VAV2: variants seen among roughly 807,000 people sequenced by gnomAD.
VAV2 encodes the protein vav guanine nucleotide exchange factor 2, also known as guanine nucleotide exchange factor VAV2.
A neutral mutation model predicts 132.5 loss-of-function variants in VAV2; 67 were observed. That is an observed-to-expected ratio of 0.51 (90% CI 0.42 to 0.62). The LOEUF (loss-of-function observed/expected upper bound fraction) is 0.62. VAV2 is among the 20% of genes least tolerant of loss of function. The pLI is 0.00. For missense variants in VAV2, 938 were observed against 1,153.6 expected (o/e 0.81, Z 2.71); for synonymous variants, 492 against 443.5 (o/e 1.11, Z -1.37).
chr9:133,839,842 G>A (rs569074251), intron 3 of VAV2, among the ~76,000 whole-genome samples: 78 of 152,308 alleles, frequency 5.1e-4, no homozygotes, highest in Non-Finnish European at 6.0e-4. Flanking sequence ...CACTGACCTC[G>A]ATTAAACAGT....
At chr9:133,962,810 A>T (rs1009445496) in intron 1 of VAV2, among the ~76,000 whole-genome samples, 2 of 152,140 alleles carry the variant, frequency 1.3e-5, no homozygotes, top group African/African-American at 4.8e-5. Flanking sequence ...TTTCCCTTTT[A>T]TGTTATTAAG....
At position 133,770,424 on chromosome 9, in the gene VAV2, G is replaced by A. The variant is rs1366276670; in HGVS notation, c.2301C>T (p.Tyr767=). Reference sequence around the variant, plus strand: ...TGGAGGCCGAACGTTCCCGGGACTTGTAGGGGTACTTGAGTGTGGTGTCCA... The same window carrying A: ...TGGAGGCCGAACGTTCCCGGGACTTATAGGGGTACTTGAGTGTGGTGTCCA... ...KQLDTTLKYP[Y]KSRERSASRA... is the part of the protein sequence containing the mutation. The change falls in exon 27 of 30, where the codon TAC becomes TAT. Residue 767 remains tyrosine (Y), a synonymous_variant. Transcript: ENST00000371850. The A allele has an allele frequency of 3.1e-6, 5 of 1,614,076 alleles. No individual in the cohort carries two copies. The highest frequency in any genetic ancestry group is 1.6e-4 in the Middle Eastern group (1 of 6,084).
At chr9:133,968,478 G>A (rs1842219140) in intron 1 of VAV2, among the ~76,000 whole-genome samples, 1 of 152,264 alleles carries the variant, frequency 6.6e-6, no homozygotes, top group African/African-American at 2.4e-5. Context: ...TCAAAGCTCT[G>A]GTACCACCCA....
intron 3 of VAV2, among the ~76,000 whole-genome samples, chr9:133,848,661 C>T (rs1023697283): frequency 6.6e-6 from 1 of 152,250 alleles, no homozygotes; most frequent in African/African-American, 2.4e-5. Flanking sequence ...CTGGCAGGCA[C>T]GGGCCCCTGG....
At chr9:133,874,276 CT>C (rs1222932087) in intron 2 of VAV2, among the ~76,000 whole-genome samples, 2 of 152,252 alleles carry the variant, frequency 1.3e-5, no homozygotes, top group Non-Finnish European at 2.9e-5. Flanking sequence ...CACTCACTGT[CT>C]GCGAATGCTG....
chr9:133,887,265 G>A (rs539549904), intron 2 of VAV2, among the ~76,000 whole-genome samples: 13 of 152,296 alleles, frequency 8.5e-5, no homozygotes, highest in Non-Finnish European at 1.3e-4. Flanking sequence ...GGATGGGGGT[G>A]GGGGAAGGGG....
chr9:133,950,261 A>G lies in VAV2; in HGVS notation c.205-11042T>C, dbSNP rs565956355. Among the ~76,000 whole-genome samples the G allele has an allele frequency of 2.6e-5, 4 of 152,320 alleles. No homozygotes were observed. The South Asian group carries it at 8.3e-4, about 32-fold the overall frequency. On this transcript the variant is annotated intron_variant, in intron 1 of 29. Transcript: ENST00000371850. ...AGAGGAAACCCAGCAAGAAAAATCA[A>G]TTCTGGAGAAGCCTCATTTGGAAGT...
rs1229603778 is a variant in VAV2, at chr9:133,824,800, G to A, written c.449+9472C>T. Among the ~76,000 whole-genome samples, 2 of 152,164 alleles carry A rather than the reference G, an allele frequency of 1.3e-5. No individual in the cohort carries two copies. The highest frequency in any genetic ancestry group is 4.8e-5 in the African/African-American group (2 of 41,438). On this transcript the variant is annotated intron_variant, in intron 4 of 29. Transcript: ENST00000371850. This position sits in a 1 kb window ranked among gnomAD's most constrained non-coding sequence, Gnocchi z 5.2. ...AGAGCTGGGCTCAAATTGCAGCTCT[G>A]CCCCCTAGTTCTGTACGACTCTGAC...
chr9:133,875,666 C>G (rs1314875617), intron 2 of VAV2, among the ~76,000 whole-genome samples: 1 of 152,256 alleles, frequency 6.6e-6, no homozygotes, highest in Non-Finnish European at 1.5e-5. Context: ...GCGCCAGGAC[C>G]TGCTGAGAAA....
chr9:133,888,439 C>G (rs1167459511), intron 2 of VAV2, among the ~76,000 whole-genome samples: 2 of 152,244 alleles, frequency 1.3e-5, no homozygotes, highest in Non-Finnish European at 2.9e-5. Flanking sequence ...CTGGATCTTC[C>G]AGGCCTCCAG....
rs931242787 is a variant in VAV2, at chr9:133,768,129, G to A, written c.2589+313C>T. ...CTTGGGGACTTGCAAGTAATTTGGC[G>A]AGTGCAGCTATGAGGGCAGCCCAGA... On this transcript the variant is annotated intron_variant, in intron 29 of 29. Transcript: ENST00000371850. This position sits in a 1 kb window ranked among gnomAD's most constrained non-coding sequence, Gnocchi z 5.3. 3.9e-5 allele frequency among the ~76,000 whole-genome samples: 6 copies of A among 152,132 alleles called. No individual in the cohort carries two copies. Among genetic ancestry groups the A allele is most frequent in the South Asian group, 4.1e-4 (2 of 4,828 alleles).
intron 12 of VAV2, among the ~76,000 whole-genome samples, 154 bp downstream of exon 12, chr9:133,795,514 C>T (rs1015582346): frequency 1.3e-5 from 2 of 152,190 alleles, no homozygotes; most frequent in Non-Finnish European, 2.9e-5. Context: ...CTGTGGGTCT[C>T]ACCCACTGCC....
intron 2 of VAV2, among the ~76,000 whole-genome samples, chr9:133,904,393 C>G (rs1293145319): frequency 6.6e-6 from 1 of 152,270 alleles, no homozygotes; most frequent in East Asian, 1.9e-4. Flanking sequence ...ATCAACGCCT[C>G]ACTTTCTGAG....
intron 1 of VAV2, among the ~76,000 whole-genome samples, chr9:133,990,073 G>A (rs1842968964): frequency 6.6e-6 from 1 of 152,206 alleles, no homozygotes; most frequent in South Asian, 2.1e-4. Context: ...CTGTTCTCAT[G>A]ACAGAGATGG....
In VAV2 at chr9:133,805,384, C is replaced by T. The variant is rs924967442; in HGVS notation, c.836+697G>A. Among the ~76,000 whole-genome samples, 9 of 152,290 alleles carry T rather than the reference C, an allele frequency of 5.9e-5. No individual in the cohort carries two copies. In the East Asian group the frequency reaches 1.2e-3, roughly 20 times the overall value. On this transcript the variant is annotated intron_variant, in intron 9 of 29. Coordinates refer to ENST00000371850, the MANE Select transcript of VAV2 (RefSeq NM_001134398.2). Reference sequence around the variant, plus strand: ...CCTTCGGGCTCCTCCAAAGGATCCCCGAGGGACAGAGAGCTTGGCACCGTC... The same window carrying T: ...CCTTCGGGCTCCTCCAAAGGATCCCTGAGGGACAGAGAGCTTGGCACCGTC...
At chr9:133,850,276 G>C (rs542601625) in intron 3 of VAV2, among the ~76,000 whole-genome samples, 21 of 152,254 alleles carry the variant, frequency 1.4e-4, no homozygotes, top group African/African-American at 5.1e-4. Context: ...CTGAGCCTCC[G>C]GGTCTGGGAC....
chr9:133,872,678 C>G (rs1224992805), intron 2 of VAV2, among the ~76,000 whole-genome samples: 1 of 152,112 alleles, frequency 6.6e-6, no homozygotes, highest in Non-Finnish European at 1.5e-5. Context: ...GCCCAGGTGG[C>G]CTCCTGGAGC....
rs187346027 is a variant in VAV2, at chr9:133,777,750, G to C, written c.1891-287C>G. 2.2e-3 allele frequency among the ~76,000 whole-genome samples: 335 copies of C among 152,224 alleles called. 1 individual carries two copies. The highest frequency in any genetic ancestry group is 7.6e-3 in the African/African-American group (314 of 41,528). On this transcript the variant is annotated intron_variant, in intron 22 of 29. Coordinates refer to ENST00000371850, the MANE Select transcript of VAV2 (RefSeq NM_001134398.2). ...GTCATACCCGGGGAGGGACAGAGCA[G>C]GACTGATACTCTGCACAGCTCAGAT...
chr9:133,785,318 CA>C (rs1403074695), intron 17 of VAV2, among the ~76,000 whole-genome samples: 2 of 152,226 alleles, frequency 1.3e-5, no homozygotes, highest in Non-Finnish European at 1.5e-5. Context: ...CTCTGTTTCA[CA>C]TATCTAGGAT....
Sources: allele counts gnomAD v4.1 joint callset (sites outside exome capture counted in the v4.1 genomes callset), GRCh38; gene constraint gnomAD v4.1.1; non-coding constraint Gnocchi (gnomAD v3.1); transcripts MANE v1.5; gene names NCBI Gene and HGNC (gene_info 2026-07-23, HGNC 2026-07-21).